TRMT1L: variants seen among roughly 807,000 people sequenced by gnomAD.
The protein encoded by TRMT1L is tRNA (guanine(27)-N(2))-dimethyltransferase.
Under a neutral mutation model 81.6 loss-of-function variants are expected in TRMT1L, and 28 were observed. The observed-to-expected ratio is 0.34, with a 90% CI of 0.25 to 0.47. TRMT1L has a LOEUF of 0.47. Among genes scored for constraint, TRMT1L ranks in the 20% least tolerant of loss-of-function variants. The probability of loss-of-function intolerance (pLI) is 1.00; values close to 1 mark genes in which losing one functional copy is unlikely to be tolerated. For synonymous variants in TRMT1L, 301 were observed against 303.2 expected (o/e 0.99, Z 0.07); for missense variants, 739 against 877.1 (o/e 0.84, Z 1.99).
At chr1:185,155,177 A>G (rs1166396237) in intron 1 of TRMT1L, among the ~76,000 whole-genome samples, 2 of 152,222 alleles carry the variant, frequency 1.3e-5, no homozygotes, top group South Asian at 2.1e-4. Context: ...GAATATATAG[A>G]TAAGTCTTTT....
intron 13 of TRMT1L, among the ~76,000 whole-genome samples, chr1:185,121,930 G>T (rs1264792043): frequency 2.6e-5 from 4 of 151,796 alleles, no homozygotes; most frequent in Non-Finnish European, 1.5e-5. Flanking sequence ...TTCAGCCCAG[G>T]CCACATCCCA....
intron 10 of TRMT1L, among the ~76,000 whole-genome samples, chr1:185,137,119 C>G (rs781697596): frequency 2.6e-5 from 4 of 152,174 alleles, no homozygotes; most frequent in Non-Finnish European, 4.4e-5. Context: ...TGTCCCAGAA[C>G]TGAAACAAAC....
chr1:185,140,797 A>G (rs917999816), intron 7 of TRMT1L, among the ~76,000 whole-genome samples: 6 of 151,480 alleles, frequency 4.0e-5, no homozygotes, highest in African/African-American at 9.7e-5. Context: ...TGGGCAACAT[A>G]GCAAATCCCT....
intron 1 of TRMT1L, among the ~76,000 whole-genome samples, chr1:185,154,425 T>C (rs1653440125): frequency 6.6e-6 from 1 of 152,226 alleles, no homozygotes; most frequent in Admixed American, 6.5e-5. Flanking sequence ...AAATGAGTTA[T>C]AATGAGATAT....
In TRMT1L at chr1:185,119,819, T is replaced by G. The variant is rs1164984425; in HGVS notation, c.*200A>C. The G allele has an allele frequency of 7.6e-6, 4 of 524,958 alleles. No individual in the cohort carries two copies. The highest frequency in any genetic ancestry group is 1.3e-5 in the Non-Finnish European group (4 of 318,060). The allele number at this position is 524,958 out of a possible 1,614,324, so 32.5% of individuals were successfully genotyped here. On this transcript the variant is annotated 3_prime_UTR_variant, in exon 15 of 15. Transcript: ENST00000367506. ...GAAATGTTTCCATTAAAATTTTAAG[T>G]TTGCCTTAAAACAAAAAAAAACTTG...
At chr1:185,147,349 A>C in intron 3 of TRMT1L, 103 bp from the exon 4 acceptor site, 3 of 803,946 alleles carry the variant, frequency 3.7e-6, no homozygotes, top group Non-Finnish European at 6.1e-6. Flanking sequence ...TTACCCTTAC[A>C]TTTGTAATGT....
At chr1:185,128,898 G>A (rs1652700294) in intron 10 of TRMT1L, 151 bp from the exon 11 acceptor site, 2 of 656,754 alleles carry the variant, frequency 3.0e-6, no homozygotes, top group Non-Finnish European at 5.2e-6. Context: ...ATGTATATAT[G>A]TGTGTGTGCA....
At chr1:185,123,832 T>G (rs756530334) in intron 13 of TRMT1L, 25 bp downstream of exon 13, 29 of 1,432,468 alleles carry the variant, frequency 2.0e-5, no homozygotes, top group Non-Finnish European at 2.6e-5. Context: ...TATGTACATA[T>G]GTACACACAT....
At chr1:185,146,349 T>C (rs530337463) in intron 4 of TRMT1L, among the ~76,000 whole-genome samples, 15 of 152,184 alleles carry the variant, frequency 9.9e-5, no homozygotes, top group Admixed American at 3.3e-4. Flanking sequence ...CTCATTTAGC[T>C]GAGAACAAAA....
intron 10 of TRMT1L, among the ~76,000 whole-genome samples, chr1:185,131,731 G>A (rs962051997): frequency 3.9e-5 from 6 of 152,052 alleles, no homozygotes; most frequent in Admixed American, 2.0e-4. Flanking sequence ...GAGATGAACC[G>A]TATAGATATT....
chr1:185,144,655 CAT>C (rs1294060006), intron 5 of TRMT1L, among the ~76,000 whole-genome samples: 2 of 134,170 alleles, frequency 1.5e-5, no homozygotes, highest in Non-Finnish European at 3.2e-5. Flanking sequence ...TATATATGTG[CAT>C]ATGTTTTAAA....
Position 185,143,447 on chromosome 1 carries a change from A to T in TRMT1L, c.780-11T>A. 6.3e-7 allele frequency: 1 copy of T among 1,598,936 alleles called. No homozygotes were observed. Among genetic ancestry groups the T allele is most frequent in the Non-Finnish European group, 8.5e-7 (1 of 1,173,242 alleles). On this transcript the variant is annotated splice_polypyrimidine_tract_variant and intron_variant, in intron 6 of 14. Coordinates refer to ENST00000367506, the MANE Select transcript of TRMT1L (RefSeq NM_030934.5). ...CAGAATATTAGCTGCCTAGAAGGAA[A>T]TCATAATCTGAAATAACTTTACCAT...
chr1:185,127,954 A>C (rs1652673978), intron 11 of TRMT1L, among the ~76,000 whole-genome samples: 1 of 151,712 alleles, frequency 6.6e-6, no homozygotes, highest in Non-Finnish European at 1.5e-5. Context: ...TCTCTAATGA[A>C]AGTACAAAAA....
At chr1:185,149,468 A>G (rs1247003712) in intron 3 of TRMT1L, among the ~76,000 whole-genome samples, 1 of 151,924 alleles carries the variant, frequency 6.6e-6, no homozygotes, top group South Asian at 2.1e-4. Flanking sequence ...TCGCCTGGCT[A>G]ATTTTTTCAC....
At chr1:185,130,219 C>T (rs1218795823) in intron 10 of TRMT1L, among the ~76,000 whole-genome samples, 2 of 152,146 alleles carry the variant, frequency 1.3e-5, no homozygotes, top group East Asian at 3.8e-4. Flanking sequence ...ACTAGTATTT[C>T]CGTGTTACTG....
intron 10 of TRMT1L, among the ~76,000 whole-genome samples, chr1:185,131,715 G>A (rs1428155398): frequency 6.6e-6 from 1 of 152,152 alleles, no homozygotes; most frequent in Non-Finnish European, 1.5e-5. Context: ...AGAACTAATT[G>A]CCAAAGAGAT....
At chr1:185,127,285 A>T (rs1454602392) in intron 11 of TRMT1L, among the ~76,000 whole-genome samples, 3 of 152,216 alleles carry the variant, frequency 2.0e-5, no homozygotes, top group African/African-American at 7.2e-5. Context: ...GGCTGGCTAG[A>T]TCTTTCTTAA....
chr1:185,143,520 G>A (rs1653105066), intron 6 of TRMT1L, 84 bp from the exon 7 acceptor site: 2 of 1,234,602 alleles, frequency 1.6e-6, no homozygotes, highest in East Asian at 2.4e-5. Flanking sequence ...GTGAACTGAA[G>A]TTCCTAGTTA....
Position 185,118,188 on chromosome 1 carries a change from T to TGTTA in TRMT1L, c.*1827_*1830dup. The TGTTA allele has an allele frequency of 6.6e-6, 1 of 152,336 alleles. No individual in the cohort carries two copies. The highest frequency in any genetic ancestry group is 1.9e-4 in the East Asian group (1 of 5,192). The allele number at this position is 152,336 out of a possible 1,614,324, so 9.4% of individuals were successfully genotyped here. A position where few individuals can be genotyped will look rare whatever the true frequency, so the allele number is the denominator to read the frequency against. The stretch of plus-strand genomic sequence containing the variant: ...TTGCAATGTCCCAAATTACTACTAT[T>TGTTA]GTTACGAGAATAAGATTGCTCAGGT... On this transcript the variant is annotated 3_prime_UTR_variant, in exon 15 of 15. Coordinates refer to ENST00000367506, the MANE Select transcript of TRMT1L (RefSeq NM_030934.5).
Sources: gnomAD v4.1 joint callset for allele counts (sites outside exome capture counted in the v4.1 genomes callset) on GRCh38, gnomAD v4.1.1 for gene constraint, MANE v1.5 for transcripts, NCBI Gene and HGNC (gene_info 2026-07-23, HGNC 2026-07-21) for gene names.